Variants in ACOXL observed in about 807,000 individuals in gnomAD.
The protein encoded by ACOXL is acyl-CoA oxidase like.
ACOXL carries 70 observed loss-of-function variants against 71.9 expected under a neutral mutation model. That is an observed-to-expected ratio of 0.97 (90% confidence interval 0.80 to 1.19). The LOEUF (loss-of-function observed/expected upper bound fraction) is 1.19. Among genes scored for constraint, ACOXL ranks in the 50% most tolerant of loss-of-function variants. The pLI, the probability that ACOXL is intolerant of heterozygous loss-of-function variation, is 0.00. For missense variants in ACOXL, 703 were observed against 736.3 expected (o/e 0.95, Z 0.52); for synonymous variants, 253 against 281.6 (o/e 0.90, Z 1.02).
intron 9 of ACOXL, among the ~76,000 whole-genome samples, chr2:110,811,727 GCATA>G (rs1208889789): frequency 4.1e-4 from 12 of 29,336 alleles, no homozygotes; most frequent in East Asian, 9.7e-4. Context: ...TGTTTTTTTT[GCATA>G]CACACACACA....
chr2:110,798,924 T>C, intron 6 of ACOXL, 90 bp from the exon 7 acceptor site: 1 of 1,377,496 alleles, frequency 7.3e-7, no homozygotes, highest in Admixed American at 1.7e-5. Context: ...ACTGAATGAG[T>C]TTGAGGATCA....
intron 12 of ACOXL, among the ~76,000 whole-genome samples, chr2:110,954,270 A>T (rs1055925819): frequency 1.6e-4 from 25 of 152,190 alleles, no homozygotes; most frequent in Non-Finnish European, 8.8e-5. Context: ...TATAAACAAC[A>T]TTTGCCTATT....
At chr2:110,749,174 G>C (rs1485165786) in intron 1 of ACOXL, among the ~76,000 whole-genome samples, 1 of 152,102 alleles carries the variant, frequency 6.6e-6, no homozygotes, top group African/African-American at 2.4e-5. Context: ...ATTGATTTTT[G>C]ATTTAGATTT....
intron 11 of ACOXL, among the ~76,000 whole-genome samples, chr2:110,916,269 G>A (rs1378822764): frequency 6.7e-6 from 1 of 149,342 alleles, no homozygotes; most frequent in Middle Eastern, 3.3e-3. Flanking sequence ...AGCCAATTTT[G>A]CTGGGTGTTT....
chr2:110,903,247 C>G (rs528843653), intron 10 of ACOXL, among the ~76,000 whole-genome samples: 5 of 152,170 alleles, frequency 3.3e-5, no homozygotes, highest in Non-Finnish European at 5.9e-5. Flanking sequence ...ATGGCGCGGC[C>G]CCCCCAGAGG....
At chr2:110,764,271 C>G (rs59952084) in intron 1 of ACOXL, among the ~76,000 whole-genome samples, 1,859 of 151,976 alleles carry the variant, frequency 0.012, 43 homozygotes, top group African/African-American at 0.043. Flanking sequence ...AGATGTCTAT[C>G]AGTAGTTGAA....
chr2:110,997,940 A>G (rs2063470224), intron 14 of ACOXL, among the ~76,000 whole-genome samples: 1 of 152,146 alleles, frequency 6.6e-6, no homozygotes, highest in Non-Finnish European at 1.5e-5. Flanking sequence ...AGTACCAGCT[A>G]CTGAGGAGGC....
chr2:110,768,518 G>T (rs1183808975), intron 2 of ACOXL, 54 bp downstream of exon 2: 2 of 1,400,456 alleles, frequency 1.4e-6, no homozygotes, highest in Non-Finnish European at 2.0e-6. Context: ...GTGTGTGAGA[G>T]AGAGAGAGAG....
intron 9 of ACOXL, among the ~76,000 whole-genome samples, chr2:110,821,934 TG>T (rs1163444923): frequency 6.7e-6 from 1 of 150,074 alleles, no homozygotes; most frequent in African/African-American, 2.5e-5. Flanking sequence ...CTTCTATCAT[TG>T]TGTGTGTGTG....
chr2:111,013,539 AAAAAAAG>A (rs1300355368), intron 14 of ACOXL, among the ~76,000 whole-genome samples: 1 of 151,398 alleles, frequency 6.6e-6, no homozygotes, highest in Non-Finnish European at 1.5e-5. Context: ...AAAAAAAAAA[AAAAAAAG>A]AAGTAAAAGA....
At position 110,960,697 on chromosome 2, in the gene ACOXL, G is replaced by GGT. The variant is rs1553441375; in HGVS notation, c.1060-26411_1060-26410insGT. ...TTTTTTTAATGTATAAATTTTCTGGGTTTTTTTTTTTAACATTGCTTGTGT... is the reference window on the plus strand; with the variant it reads ...TTTTTTTAATGTATAAATTTTCTGGGGTTTTTTTTTTTTAACATTGCTTGTGT... On this transcript the variant is annotated intron_variant, in intron 12 of 17. Coordinates refer to ENST00000439055, the MANE Select transcript of ACOXL (RefSeq NM_001142807.4). Among the ~76,000 whole-genome samples the GGT allele has an allele frequency of 4.3e-3, 619 of 142,992 alleles. 7 individuals carry two copies. The highest frequency in any genetic ancestry group is 7.1e-3 in the Middle Eastern group (2 of 280). 93.8% of individuals were successfully genotyped at this position (142,992 alleles called of 152,430 possible).
chr2:111,103,365 A>G (rs553812714), intron 17 of ACOXL, among the ~76,000 whole-genome samples: 1 of 152,282 alleles, frequency 6.6e-6, no homozygotes, highest in East Asian at 1.9e-4. Context: ...ATTTTAAGAC[A>G]CAGAGAAGGG....
Position 110,962,856 on chromosome 2 carries a change from C to T in ACOXL, c.1060-24252C>T, listed in dbSNP as rs1455662878. Among the ~76,000 whole-genome samples, 4 of 152,222 alleles carry T rather than the reference C, an allele frequency of 2.6e-5. No individual in the cohort carries two copies. In the East Asian group the frequency reaches 7.7e-4, roughly 29 times the overall value. ...CACAGGCAGAAGTGATTTGTGGAAG[C>T]AGGCTTGGACGGGGGAGCAATTCTG... is the stretch of plus-strand genomic sequence containing the variant. On this transcript the variant is annotated intron_variant, in intron 12 of 17. Coordinates refer to ENST00000439055, the MANE Select transcript of ACOXL (RefSeq NM_001142807.4).
intron 9 of ACOXL, among the ~76,000 whole-genome samples, chr2:110,835,802 G>A (rs565109462): frequency 5.0e-4 from 76 of 152,302 alleles, no homozygotes; most frequent in African/African-American, 1.8e-3. Context: ...AGAACCAGCT[G>A]AAATGCCCAA....
At chr2:111,077,944 T>C (rs375945533) in intron 16 of ACOXL, among the ~76,000 whole-genome samples, 112 of 152,310 alleles carry the variant, frequency 7.4e-4, no homozygotes, top group African/African-American at 2.7e-3. Flanking sequence ...AACCTGCACA[T>C]TTGTGGGGTT....
At chr2:110,803,493 T>TAA (rs1257128553) in intron 8 of ACOXL, among the ~76,000 whole-genome samples, 2 of 152,156 alleles carry the variant, frequency 1.3e-5, no homozygotes, top group Admixed American at 1.3e-4. Context: ...GTTGGACCTT[T>TAA]ACTGCCTACC....
At chr2:110,753,007 G>A (rs138676041) in intron 1 of ACOXL, among the ~76,000 whole-genome samples, 1 of 152,240 alleles carries the variant, frequency 6.6e-6, no homozygotes, top group East Asian at 1.9e-4. Context: ...GCCTGATGTT[G>A]GAGGTGGGAC....
chr2:110,854,605 T>G (rs1364167851), intron 10 of ACOXL, among the ~76,000 whole-genome samples: 6 of 152,140 alleles, frequency 3.9e-5, no homozygotes, highest in African/African-American at 1.4e-4. Flanking sequence ...TCATGGAAAA[T>G]TTCCCTATTT....
chr2:110,919,363 A>C (rs2059980763), intron 11 of ACOXL, among the ~76,000 whole-genome samples: 1 of 142,246 alleles, frequency 7.0e-6, no homozygotes, highest in Admixed American at 7.1e-5. Flanking sequence ...CAATGAGAAC[A>C]CATGGACACA....
Sources: allele counts gnomAD v4.1 joint callset (sites outside exome capture counted in the v4.1 genomes callset), GRCh38; gene constraint gnomAD v4.1.1; transcripts MANE v1.5; gene names NCBI Gene and HGNC (gene_info 2026-07-23, HGNC 2026-07-21).